Variants in SETD2 observed in about 807,000 individuals in gnomAD.
SETD2 encodes the protein histone-lysine N-methyltransferase SETD2.
A neutral mutation model predicts 242.1 loss-of-function variants in SETD2; 31 were observed. The observed-to-expected ratio is 0.13, with a 90% CI of 0.10 to 0.17. The LOEUF is 0.17. SETD2 is among the 10% of genes least tolerant of loss of function. SETD2 has a pLI of 1.00. For synonymous variants in SETD2, 1,006 were observed against 1,066.5 expected, an observed-to-expected ratio of 0.94 and a Z score of 1.11; for missense variants, 2,481 against 3,046.3, an observed-to-expected ratio of 0.81 and a Z score of 4.37.
chr3:47,056,943 T>C lies in SETD2; in HGVS notation c.6841A>G (p.Ser2281Gly). Residue 2281 changes from serine to glycine, a missense_variant, in exon 15 of 21, where the codon AGT (serine) becomes GGT (glycine). By Grantham distance (56) the Ser-to-Gly change is moderately conservative (BLOSUM62 0). Around this residue, in one of 17 missense-constraint regions of SETD2, gnomAD observed 235 missense variants for 293.9 expected, o/e 0.80. Transcript: ENST00000409792. ...GCAGGAGAGTACTGCTGCTGTACACTGACAGACTGTTGGTTTGAATCCCAA... is the reference window on the plus strand; with the variant it reads ...GCAGGAGAGTACTGCTGCTGTACACCGACAGACTGTTGGTTTGAATCCCAA... ...SVWDSNQQSVSVQQQYSPAQS... is the reference protein window; with the variant it reads ...SVWDSNQQSVGVQQQYSPAQS... 1 of 1,614,266 alleles carries C rather than the reference T, an allele frequency of 6.2e-7. No homozygotes were observed. The highest frequency in any genetic ancestry group is 8.5e-7 in the Non-Finnish European group (1 of 1,180,050).
At chr3:47,058,206 G>C (rs539183830) in intron 14 of SETD2, among the ~76,000 whole-genome samples, 1 of 152,174 alleles carries the variant, frequency 6.6e-6, no homozygotes, top group East Asian at 1.9e-4. Context: ...GGCCAGGCAT[G>C]ATGAGGCAGG....
At chr3:47,062,550 C>T (rs1411676269) in intron 13 of SETD2, among the ~76,000 whole-genome samples, 2 of 152,116 alleles carry the variant, frequency 1.3e-5, no homozygotes, top group African/African-American at 4.8e-5. Flanking sequence ...CTAAAAGTCT[C>T]TTTCACAAAT....
At chr3:47,031,402 T>C (rs1367363529) in intron 18 of SETD2, among the ~76,000 whole-genome samples, 1 of 152,198 alleles carries the variant, frequency 6.6e-6, no homozygotes, top group African/African-American at 2.4e-5. Context: ...AATTTTGCTA[T>C]GCCAAAACAG....
intron 3 of SETD2, among the ~76,000 whole-genome samples, chr3:47,119,286 CTTA>C (rs1206567613): frequency 6.6e-6 from 1 of 152,028 alleles, no homozygotes; most frequent in African/African-American, 2.4e-5. Flanking sequence ...TTTCATTACT[CTTA>C]TTCTCATTAT....
intron 1 of SETD2, among the ~76,000 whole-genome samples, chr3:47,151,050 A>T (rs1294223874): frequency 6.6e-6 from 1 of 152,186 alleles, no homozygotes; most frequent in Non-Finnish European, 1.5e-5. Context: ...GTCAATTCAA[A>T]CATTTACTAA....
intron 17 of SETD2, among the ~76,000 whole-genome samples, chr3:47,042,175 T>C (rs2039309955): frequency 6.6e-6 from 1 of 151,980 alleles, no homozygotes; most frequent in South Asian, 2.1e-4. Context: ...CTGACCAACA[T>C]ACATGGTGAA....
chr3:47,105,364 G>A (rs372655388), intron 6 of SETD2, among the ~76,000 whole-genome samples: 20 of 148,674 alleles, frequency 1.3e-4, no homozygotes, highest in East Asian at 1.0e-3. Flanking sequence ...GAGCCAAGAT[G>A]GCACCACTGC....
intron 14 of SETD2, among the ~76,000 whole-genome samples, chr3:47,059,352 G>A (rs1471219471): frequency 6.6e-6 from 1 of 151,554 alleles, no homozygotes; most frequent in South Asian, 2.1e-4. Context: ...CTGACCTCAA[G>A]TGATCCGCCC....
intron 3 of SETD2, among the ~76,000 whole-genome samples, chr3:47,118,085 A>G (rs2042933022): frequency 6.6e-6 from 1 of 152,212 alleles, no homozygotes; most frequent in South Asian, 2.1e-4. Context: ...GAAGTGCCTC[A>G]AGAGTGTTAT....
intron 15 of SETD2, among the ~76,000 whole-genome samples, chr3:47,048,808 C>T (rs1216799249): frequency 2.6e-5 from 4 of 152,036 alleles, no homozygotes; most frequent in Non-Finnish European, 5.9e-5. Flanking sequence ...CCTGGGACTA[C>T]AGGTGCGTGC....
intron 5 of SETD2, among the ~76,000 whole-genome samples, 162 bp downstream of exon 5, chr3:47,113,714 C>T (rs2042744871): frequency 6.6e-6 from 1 of 152,090 alleles, no homozygotes; most frequent in Admixed American, 6.6e-5. Context: ...TGGCATGAGC[C>T]TGTAGTTCCA....
At chr3:47,042,748 C>T in intron 16 of SETD2, 48 bp from the exon 17 acceptor site, 2 of 1,532,940 alleles carry the variant, frequency 1.3e-6, no homozygotes, top group South Asian at 2.6e-5. Flanking sequence ...CTCTCTTAAT[C>T]TGGCTGAATA....
At chr3:47,163,729 G>C (rs2106867042) in intron 1 of SETD2, 125 bp downstream of exon 1, 2 of 599,526 alleles carry the variant, frequency 3.3e-6, no homozygotes, top group Non-Finnish European at 2.2e-6. Context: ...GACACCGACC[G>C]CGCGAGGCCA....
chr3:47,144,413 C>A (rs1331507466), intron 1 of SETD2, among the ~76,000 whole-genome samples: 1 of 151,244 alleles, frequency 6.6e-6, no homozygotes, highest in Non-Finnish European at 1.5e-5. Flanking sequence ...CCGAGGCAGG[C>A]GAATCACGAG....
chr3:47,089,687 TG>T (rs1479676109), intron 9 of SETD2, among the ~76,000 whole-genome samples: 1 of 152,156 alleles, frequency 6.6e-6, no homozygotes, highest in East Asian at 1.9e-4. Flanking sequence ...GAATTTATTA[TG>T]GGTGAGATTA....
At position 47,017,513 on chromosome 3, in the gene SETD2, G is replaced by A. The variant is rs758897985; in HGVS notation, c.7533+125C>T. On this transcript the variant is annotated intron_variant, in intron 20 of 20. Transcript: ENST00000409792. The surrounding 1 kb of genome is among the most constrained non-coding windows in gnomAD (Gnocchi z 4.8). Reference sequence around the variant, plus strand: ...CCCCAAACCTTCCCTCCCCGTTCCTGGGTCCCCAGCTCTGACATCTGACAA... The same window carrying A: ...CCCCAAACCTTCCCTCCCCGTTCCTAGGTCCCCAGCTCTGACATCTGACAA... 5 of 776,034 alleles carry A rather than the reference G, an allele frequency of 6.4e-6. No individual in the cohort carries two copies. 48.1% of individuals were successfully genotyped at this position (776,034 alleles called of 1,614,324 possible).
At position 47,083,420 on chromosome 3, in the gene SETD2, A is replaced by C. The variant is rs189760852; in HGVS notation, c.6060+300T>G. Among the ~76,000 whole-genome samples the C allele has an allele frequency of 6.6e-4, 101 of 152,330 alleles. 1 individual carries two copies. In the East Asian group the frequency reaches 0.018, roughly 28 times the overall value. ...TTTTCTCATTACAAATAGAATCCTA[A>C]GTTTGCTCCTCAAAGGATTTTTGTT... On this transcript the variant is annotated intron_variant, in intron 12 of 20. Coordinates refer to ENST00000409792, the MANE Select transcript of SETD2 (RefSeq NM_014159.7).
intron 6 of SETD2, 77 bp downstream of exon 6, chr3:47,105,920 A>C (rs2042398771): frequency 6.7e-7 from 1 of 1,482,966 alleles, no homozygotes; most frequent in Non-Finnish European, 9.1e-7. Flanking sequence ...AAAAAAAAAA[A>C]AAAAATCAAA....
chr3:47,074,421 A>G (rs2040960642), intron 12 of SETD2, among the ~76,000 whole-genome samples: 1 of 152,160 alleles, frequency 6.6e-6, no homozygotes, highest in Non-Finnish European at 1.5e-5. Flanking sequence ...AAGATAAAAT[A>G]CCTCAGAAAA....
Sources: allele counts gnomAD v4.1 joint callset (sites outside exome capture counted in the v4.1 genomes callset), GRCh38; gene constraint gnomAD v4.1.1; regional missense constraint gnomAD v4.1.1; non-coding constraint Gnocchi (gnomAD v3.1); transcripts MANE v1.5; gene names NCBI Gene and HGNC (gene_info 2026-07-23, HGNC 2026-07-21).